The following ASTN2 variants were observed in gnomAD, a reference collection of about 807,000 sequenced individuals.
The protein encoded by ASTN2 is astrotactin 2, also known as astrotactin-2.
A neutral mutation model predicts 139.8 loss-of-function variants in ASTN2; 54 were observed. That is an observed-to-expected ratio of 0.39 (90% confidence interval 0.31 to 0.48). The LOEUF (loss-of-function observed/expected upper bound fraction) is 0.48, where lower values mean the gene tolerates loss of function less well. Ranked by LOEUF, ASTN2 falls within the 20% of genes least tolerant of loss-of-function variation. ASTN2 has a pLI of 0.95. For missense variants in ASTN2, 1,565 were observed against 1,725.1 expected (o/e 0.91, Z 1.64); for synonymous variants, 756 against 719.5 (o/e 1.05, Z -0.81).
intron 10 of ASTN2, among the ~76,000 whole-genome samples, chr9:116,917,009 C>A (rs1834468313): frequency 6.6e-6 from 1 of 151,644 alleles, no homozygotes; most frequent in Admixed American, 6.6e-5. Context: ...TTTCTCCCCT[C>A]ATTATTTTGC....
chr9:117,239,600 T>A (rs1447635253), intron 2 of ASTN2, among the ~76,000 whole-genome samples: 2 of 152,132 alleles, frequency 1.3e-5, no homozygotes, highest in African/African-American at 2.4e-5. Context: ...CTCCATCCCA[T>A]CCCCATTCAT....
At chr9:116,656,734 G>A (rs1405244371) in intron 16 of ASTN2, among the ~76,000 whole-genome samples, 1 of 150,972 alleles carries the variant, frequency 6.6e-6, no homozygotes, top group African/African-American at 2.4e-5. Flanking sequence ...TCCTTGTTGG[G>A]AGGGCAGCCA....
intron 1 of ASTN2, among the ~76,000 whole-genome samples, chr9:117,409,544 T>C (rs1349416276): frequency 6.6e-6 from 1 of 152,226 alleles, no homozygotes; most frequent in African/African-American, 2.4e-5. Flanking sequence ...CACAGCCTCC[T>C]GTAGGGCTCA....
intron 5 of ASTN2, among the ~76,000 whole-genome samples, chr9:117,072,073 G>T (rs1426715969): frequency 6.6e-6 from 1 of 152,152 alleles, no homozygotes; most frequent in Non-Finnish European, 1.5e-5. Flanking sequence ...GAATCCAATT[G>T]CACAGGTAGT....
At chr9:117,149,311 C>A (rs932966151) in intron 3 of ASTN2, among the ~76,000 whole-genome samples, 3 of 152,148 alleles carry the variant, frequency 2.0e-5, no homozygotes, top group African/African-American at 7.2e-5. Flanking sequence ...AGCCACTACA[C>A]CTGGCCTGAA....
chr9:117,272,304 G>A (rs1375179474), intron 2 of ASTN2, among the ~76,000 whole-genome samples: 1 of 152,208 alleles, frequency 6.6e-6, no homozygotes, highest in Non-Finnish European at 1.5e-5. Context: ...CAGGCACCAA[G>A]TCCCTAGGCT....
Position 116,939,541 on chromosome 9 carries a change from A to G in ASTN2, c.1889+35667T>C, listed in dbSNP as rs117038281. The stretch of plus-strand genomic sequence containing the variant: ...GGGCTCATCACACATTTGATTCTCA[A>G]TAAGATTTAGCTGACTGTATTTTAG... On this transcript the variant is annotated intron_variant, in intron 10 of 22. Coordinates refer to ENST00000313400, the MANE Select transcript of ASTN2 (RefSeq NM_001365068.1). 3.2e-3 allele frequency among the ~76,000 whole-genome samples: 494 copies of G among 152,298 alleles called. 13 individuals are homozygous for G. In the South Asian group the frequency reaches 0.066, roughly 20 times the overall value.
intron 19 of ASTN2, among the ~76,000 whole-genome samples, chr9:116,609,377 G>GGGTATATATATATATA (rs1855402524): frequency 3.2e-5 from 1 of 31,614 alleles, no homozygotes; most frequent in Non-Finnish European, 5.6e-5. Context: ...ATATATATGG[G>GGGTATATATATATATA]TGTATATATA....
chr9:117,302,098 A>AGG (rs371598538), intron 1 of ASTN2, among the ~76,000 whole-genome samples: 3 of 31,462 alleles, frequency 9.5e-5, no homozygotes, highest in Non-Finnish European at 1.9e-4. Context: ...TGGGGGTGGG[A>AGG]GGGGGGGTGA....
intron 20 of ASTN2, among the ~76,000 whole-genome samples, chr9:116,442,982 T>A (rs1408320535): frequency 1.3e-5 from 2 of 152,172 alleles, no homozygotes; most frequent in Admixed American, 1.3e-4. Context: ...AGGAAGTACT[T>A]TAAGTGCTAA....
Position 117,188,192 on chromosome 9 carries a change from GAC to G in ASTN2, c.1015+26164_1015+26165del, listed in dbSNP as rs71379268. ...AGAGAGAGAGAGAGAGAGAGAGAGA[GAC>G]AGAGAGAGAGAGAGAGAGGAAATCA... On this transcript the variant is annotated intron_variant, in intron 3 of 22. Coordinates refer to ENST00000313400, the MANE Select transcript of ASTN2 (RefSeq NM_001365068.1). 2.7e-4 allele frequency among the ~76,000 whole-genome samples: 18 copies of G among 66,314 alleles called. No homozygotes were observed. In the Admixed American group the frequency reaches 2.7e-3, roughly 10 times the overall value. The allele number at this position is 66,314 out of a possible 152,430, so 43.5% of individuals were successfully genotyped here.
intron 19 of ASTN2, among the ~76,000 whole-genome samples, chr9:116,511,854 C>G (rs1379161917): frequency 6.6e-6 from 1 of 152,052 alleles, no homozygotes; most frequent in Non-Finnish European, 1.5e-5. Flanking sequence ...GTGATATCTC[C>G]TTTATCATTT....
At chr9:116,889,090 G>T (rs759436122) in intron 10 of ASTN2, among the ~76,000 whole-genome samples, 1 of 152,140 alleles carries the variant, frequency 6.6e-6, no homozygotes, top group South Asian at 2.1e-4. Flanking sequence ...TGCCATTTTG[G>T]CCAGGCTGGT....
At chr9:116,985,608 G>A (rs1197870903) in intron 7 of ASTN2, among the ~76,000 whole-genome samples, 1 of 152,196 alleles carries the variant, frequency 6.6e-6, no homozygotes, top group Non-Finnish European at 1.5e-5. Context: ...TTAGTGTCTA[G>A]GAGAAAAGCA....
At chr9:117,135,238 T>C (rs79876973) in intron 4 of ASTN2, among the ~76,000 whole-genome samples, 3 of 152,242 alleles carry the variant, frequency 2.0e-5, no homozygotes, top group African/African-American at 7.2e-5. Context: ...TATGTACTAG[T>C]TGAGTAAACT....
chr9:117,267,034 C>T (rs146794788), intron 2 of ASTN2, among the ~76,000 whole-genome samples: 127 of 152,288 alleles, frequency 8.3e-4, no homozygotes, highest in Non-Finnish European at 1.5e-3. Context: ...CCACCTTGTA[C>T]AAGTCATCAA....
intron 19 of ASTN2, among the ~76,000 whole-genome samples, chr9:116,539,113 CATTT>C (rs1851770071): frequency 6.6e-6 from 1 of 152,060 alleles, no homozygotes; most frequent in Non-Finnish European, 1.5e-5. Flanking sequence ...GGCATGATTC[CATTT>C]ATATGAAATG....
At chr9:116,671,653 A>G (rs1406329735) in intron 16 of ASTN2, among the ~76,000 whole-genome samples, 1 of 151,658 alleles carries the variant, frequency 6.6e-6, no homozygotes, top group African/African-American at 2.4e-5. Context: ...AGGTTACAAA[A>G]GAGGTAACTT....
chr9:117,347,963 A>G (rs1380905368), intron 1 of ASTN2, among the ~76,000 whole-genome samples: 1 of 152,252 alleles, frequency 6.6e-6, no homozygotes, highest in African/African-American at 2.4e-5. Flanking sequence ...GTTGGAAACT[A>G]AAGGAAATGA....
Sources: allele counts gnomAD v4.1 joint callset (sites outside exome capture counted in the v4.1 genomes callset), GRCh38; gene constraint gnomAD v4.1.1; transcripts MANE v1.5; gene names NCBI Gene and HGNC (gene_info 2026-07-23, HGNC 2026-07-21).